Variants in PALS2 observed in about 807,000 individuals in gnomAD.
PALS2 encodes the protein protein associated with LIN7 2, MAGUK p55 family member.
Under a neutral mutation model 61.6 loss-of-function variants are expected in PALS2, and 27 were observed. The observed-to-expected ratio is 0.44, with a 90% CI of 0.32 to 0.60. PALS2 has a LOEUF of 0.60. Ranked by LOEUF, PALS2 falls within the 20% of genes least tolerant of loss-of-function variation. The pLI is 0.05. For synonymous variants in PALS2, 236 were observed against 218.6 expected (o/e 1.08, Z -0.70); for missense variants, 554 against 639.4 (o/e 0.87, Z 1.44).
intron 3 of PALS2, among the ~76,000 whole-genome samples, chr7:24,644,506 G>GTA (rs1167540339): frequency 2.0e-5 from 3 of 150,076 alleles, no homozygotes; most frequent in Admixed American, 1.3e-4. Flanking sequence ...GTGTGTGTGT[G>GTA]TGTATATATA....
At chr7:24,629,418 A>G (rs1347871812) in intron 2 of PALS2, among the ~76,000 whole-genome samples, 1 of 152,242 alleles carries the variant, frequency 6.6e-6, no homozygotes, top group Non-Finnish European at 1.5e-5. Context: ...CATTCAGGGC[A>G]TAGGCATGAG....
chr7:24,620,315 C>G (rs1784446437), intron 1 of PALS2: 1 of 152,140 alleles, frequency 6.6e-6, no homozygotes, highest in Non-Finnish European at 1.5e-5. Context: ...TTTATCGTTT[C>G]ATATGCTTTT....
intron 5 of PALS2, among the ~76,000 whole-genome samples, chr7:24,652,911 GTATC>G (rs1162800365): frequency 6.6e-6 from 1 of 152,176 alleles, no homozygotes; most frequent in African/African-American, 2.4e-5. Context: ...TGGGACATAA[GTATC>G]TATGTTTTAA....
chr7:24,632,478 C>T (rs1217764016), intron 2 of PALS2, among the ~76,000 whole-genome samples: 1 of 152,128 alleles, frequency 6.6e-6, no homozygotes, highest in East Asian at 1.9e-4. Context: ...TGGCTCACTG[C>T]AACCTCCGAT....
chr7:24,679,297 A>G lies in PALS2; in HGVS notation c.1281A>G (p.Gln427=), dbSNP rs771751241. Residue 427 remains glutamine (Q), a synonymous_variant, in exon 10 of 12, where the codon CAA becomes CAG. Transcript: ENST00000222644. ...TTGATTCTATTCTTGAGGTTGTCCA[A>G]ACTGGACGGACTTGCATTCTGGATG... ...TKIDSILEVV[Q]TGRTCILDVN... 2 of 1,614,056 alleles carry G rather than the reference A, an allele frequency of 1.2e-6. No individual in the cohort carries two copies. Among genetic ancestry groups the G allele is most frequent in the Admixed American group, 3.3e-5 (2 of 60,022 alleles).
At chr7:24,637,077 T>A (rs967664468) in intron 2 of PALS2, among the ~76,000 whole-genome samples, 1 of 152,150 alleles carries the variant, frequency 6.6e-6, no homozygotes, top group Non-Finnish European at 1.5e-5. Context: ...TTTTAAAAAT[T>A]TAACAGATTC....
intron 2 of PALS2, among the ~76,000 whole-genome samples, chr7:24,636,708 T>C (rs1321492621): frequency 1.3e-5 from 2 of 151,602 alleles, no homozygotes; most frequent in Non-Finnish European, 3.0e-5. Context: ...TTCCTAAATT[T>C]TTCTTTCTGT....
At chr7:24,651,326 G>A (rs1786138720) in intron 5 of PALS2, among the ~76,000 whole-genome samples, 1 of 152,184 alleles carries the variant, frequency 6.6e-6, no homozygotes, top group Non-Finnish European at 1.5e-5. Context: ...TTTTGAAGGT[G>A]TGAGGTGATT....
intron 1 of PALS2, among the ~76,000 whole-genome samples, chr7:24,604,053 A>G (rs866187499): frequency 4.6e-5 from 7 of 151,974 alleles, no homozygotes; most frequent in Admixed American, 4.6e-4. Context: ...AAAGAATTAA[A>G]GGAAAATACA....
At chr7:24,622,560 T>C (rs201251617) in intron 1 of PALS2, among the ~76,000 whole-genome samples, 44 of 152,120 alleles carry the variant, frequency 2.9e-4, no homozygotes, top group East Asian at 1.7e-3. Context: ...TGAACTCACA[T>C]ATTAATGATA....
At chr7:24,610,460 T>C (rs887690525) in intron 1 of PALS2, among the ~76,000 whole-genome samples, 6 of 152,212 alleles carry the variant, frequency 3.9e-5, no homozygotes, top group Non-Finnish European at 8.8e-5. Flanking sequence ...GCATAGCGTC[T>C]AGCTGTGAGT....
chr7:24,677,319 A>G (rs1005924438), intron 9 of PALS2, among the ~76,000 whole-genome samples: 3 of 152,122 alleles, frequency 2.0e-5, no homozygotes, highest in African/African-American at 7.3e-5. Context: ...ATCTGCAAAC[A>G]GGGACAATTT....
At chr7:24,681,430 A>AT (rs1206171607) in intron 11 of PALS2, among the ~76,000 whole-genome samples, 1 of 152,154 alleles carries the variant, frequency 6.6e-6, no homozygotes, top group African/African-American at 2.4e-5. Flanking sequence ...TATCTAAGAG[A>AT]TAAAGACATT....
intron 5 of PALS2, among the ~76,000 whole-genome samples, chr7:24,658,354 A>G (rs1786533148): frequency 6.6e-6 from 1 of 152,132 alleles, no homozygotes; most frequent in South Asian, 2.1e-4. Context: ...TGTAAAGTTG[A>G]AACAATTACT....
rs566773744 is a variant in PALS2, at chr7:24,594,367, T to C, written c.-3+20774T>C. 2.0e-5 allele frequency among the ~76,000 whole-genome samples: 3 copies of C among 152,278 alleles called. No individual in the cohort carries two copies. The South Asian group carries it at 6.2e-4, about 32-fold the overall frequency. On this transcript the variant is annotated intron_variant, in intron 1 of 11. Transcript: ENST00000222644. ...TCCTGTATTCACTGGAATGGCACTT[T>C]TAATTTCCCTCAAGAACTTTTCCTT...
At chr7:24,681,842 G>A (rs1390085828) in intron 11 of PALS2, among the ~76,000 whole-genome samples, 1 of 152,054 alleles carries the variant, frequency 6.6e-6, no homozygotes, top group Non-Finnish European at 1.5e-5. Flanking sequence ...TTGATTATAT[G>A]CCATGAAATC....
chr7:24,645,318 T>G (rs1352244703), intron 3 of PALS2, among the ~76,000 whole-genome samples: 1 of 152,204 alleles, frequency 6.6e-6, no homozygotes, highest in Non-Finnish European at 1.5e-5. Flanking sequence ...GGGGCTGAGC[T>G]TCAATCTTCT....
intron 9 of PALS2, among the ~76,000 whole-genome samples, chr7:24,671,579 G>A (rs1240927997): frequency 3.3e-5 from 5 of 151,916 alleles, no homozygotes; most frequent in East Asian, 1.9e-4. Flanking sequence ...TTTTCATATC[G>A]TATCAAGTAT....
At chr7:24,669,505 A>G (rs1787193712) in intron 9 of PALS2, among the ~76,000 whole-genome samples, 1 of 152,174 alleles carries the variant, frequency 6.6e-6, no homozygotes, top group Non-Finnish European at 1.5e-5. Flanking sequence ...ATAAGCTAAC[A>G]TTGCTTTCAT....
Sources: allele counts gnomAD v4.1 joint callset (sites outside exome capture counted in the v4.1 genomes callset), GRCh38; gene constraint gnomAD v4.1.1; transcripts MANE v1.5; gene names NCBI Gene and HGNC (gene_info 2026-07-23, HGNC 2026-07-21).